MPP7: variants seen among roughly 807,000 people sequenced by gnomAD.
MPP7 encodes MAGUK p55 scaffold protein 7.
Under a neutral mutation model 76.5 loss-of-function variants are expected in MPP7, and 60 were observed. The observed-to-expected ratio is 0.78, with a 90% CI of 0.64 to 0.97. MPP7 has a LOEUF of 0.97. Among genes scored for constraint, MPP7 ranks in the 50% least tolerant of loss-of-function variants. The pLI is 0.00. For missense variants in MPP7, 641 were observed against 694.0 expected, an observed-to-expected ratio of 0.92 and a Z score of 0.86; for synonymous variants, 237 against 244.5, an observed-to-expected ratio of 0.97 and a Z score of 0.29.
intron 6 of MPP7, among the ~76,000 whole-genome samples, chr10:28,126,089 T>A (rs925819577): frequency 6.6e-6 from 1 of 152,156 alleles, no homozygotes; most frequent in Non-Finnish European, 1.5e-5. Context: ...AAAGTAAAAG[T>A]CCATCTGTAA....
intron 13 of MPP7, among the ~76,000 whole-genome samples, chr10:28,061,159 CA>C (rs368960417): frequency 2.1e-5 from 3 of 143,348 alleles, no homozygotes; most frequent in Admixed American, 1.4e-4. Context: ...GAACCAAAAA[CA>C]AAAAAAAACA....
intron 14 of MPP7, 82 bp from the exon 15 acceptor site, chr10:28,058,685 C>T (rs1235759681): frequency 3.1e-5 from 21 of 683,460 alleles, no homozygotes; most frequent in Middle Eastern, 4.2e-4. Flanking sequence ...AGGTAAAAGA[C>T]GTTTCTGCTG....
At chr10:28,166,723 A>T (rs2997204) in intron 3 of MPP7, among the ~76,000 whole-genome samples, 114,028 of 151,630 alleles carry the variant, frequency 0.75, 43,036 homozygotes, top group Middle Eastern at 0.84. Flanking sequence ...TTTAATTTTT[A>T]AAAAAAATCT....
intron 12 of MPP7, among the ~76,000 whole-genome samples, chr10:28,089,119 G>A (rs1227720035): frequency 6.6e-6 from 1 of 152,052 alleles, no homozygotes; most frequent in Non-Finnish European, 1.5e-5. Context: ...CACCATGATG[G>A]CCAGGCTGGT....
chr10:28,319,537 G>A (rs1834348268), intron 2 of MPP7, among the ~76,000 whole-genome samples: 1 of 151,876 alleles, frequency 6.6e-6, no homozygotes, highest in Admixed American at 6.6e-5. Context: ...AATTAGCCCA[G>A]CATGGTGGTC....
intron 12 of MPP7, among the ~76,000 whole-genome samples, chr10:28,087,002 C>A (rs7920402): frequency 0.082 from 12,545 of 152,152 alleles, 973 homozygotes; most frequent in African/African-American, 0.2. Flanking sequence ...GTTTGTCCCC[C>A]CAAATTGCGT....
chr10:28,307,816 C>T (rs567774214), upstream of MPP7, among the ~76,000 whole-genome samples: 1 of 152,304 alleles, frequency 6.6e-6, no homozygotes, highest in South Asian at 2.1e-4. Context: ...CTCTATCCCC[C>T]TAGAATCCCC....
intron 1 of MPP7, among the ~76,000 whole-genome samples, chr10:28,241,966 T>C (rs534535630): frequency 6.6e-6 from 1 of 152,270 alleles, no homozygotes; most frequent in Admixed American, 6.5e-5. Flanking sequence ...CTCTTAATGC[T>C]CCCGTGGCAC....
chr10:28,219,856 T>G (rs1399116208), intron 2 of MPP7, among the ~76,000 whole-genome samples: 1 of 152,112 alleles, frequency 6.6e-6, no homozygotes, highest in East Asian at 1.9e-4. Flanking sequence ...AAAGGTAAAA[T>G]AATCAGCACT....
intron 2 of MPP7, among the ~76,000 whole-genome samples, chr10:28,322,124 T>A (rs1387906981): frequency 6.6e-6 from 1 of 152,032 alleles, no homozygotes; most frequent in African/African-American, 2.4e-5. Context: ...TGACAAACGT[T>A]CCATTTATAT....
intron 1 of MPP7, among the ~76,000 whole-genome samples, chr10:28,241,862 G>A (rs1457079220): frequency 6.6e-6 from 1 of 152,038 alleles, no homozygotes; most frequent in Non-Finnish European, 1.5e-5. Context: ...ATATCACACT[G>A]TATCAGGTTC....
chr10:28,198,731 A>G (rs1346096076), intron 3 of MPP7, among the ~76,000 whole-genome samples: 1 of 152,204 alleles, frequency 6.6e-6, no homozygotes, highest in Non-Finnish European at 1.5e-5. Flanking sequence ...AGAGATCTCA[A>G]TAGGAAAAAA....
intron 14 of MPP7, chr10:28,059,372 G>C (rs10218925): frequency 0.27 from 77,774 of 285,584 alleles, 12,536 homozygotes; most frequent in East Asian, 0.66. Flanking sequence ...CAATTAGTGG[G>C]CTGGAAGGAG....
intron 3 of MPP7, among the ~76,000 whole-genome samples, chr10:28,168,257 T>C (rs1836556319): frequency 6.6e-6 from 1 of 152,076 alleles, no homozygotes. Context: ...ATTTTCTATA[T>C]CTACTGGCCC....
intron 2 of MPP7, chr10:28,236,725 G>A (rs1839088698): frequency 6.6e-6 from 1 of 152,084 alleles, no homozygotes; most frequent in Non-Finnish European, 1.5e-5. Context: ...ATGCATCTAG[G>A]CTGCTGTGAG....
intron 1 of MPP7, among the ~76,000 whole-genome samples, chr10:28,243,399 A>AT (rs35662382): frequency 0.013 from 1,941 of 145,888 alleles, 18 homozygotes; most frequent in African/African-American, 0.022. Flanking sequence ...AACAAATGTG[A>AT]TTTTTTTTTT....
chr10:28,109,872 A>AAAAAC (rs1834449046), intron 11 of MPP7, among the ~76,000 whole-genome samples: 11 of 147,942 alleles, frequency 7.4e-5, no homozygotes, highest in Admixed American at 6.2e-4. Flanking sequence ...AAAAAAAAAA[A>AAAAAC]ACACTTAAAA....
chr10:28,256,428 C>T (rs1839788686), intron 1 of MPP7, among the ~76,000 whole-genome samples: 1 of 151,448 alleles, frequency 6.6e-6, no homozygotes, highest in Non-Finnish European at 1.5e-5. Context: ...GATTCTACTT[C>T]TAAGAATTTC....
intron 11 of MPP7, among the ~76,000 whole-genome samples, chr10:28,093,035 G>A (rs886606618): frequency 1.3e-5 from 2 of 152,070 alleles, no homozygotes; most frequent in African/African-American, 2.4e-5. Flanking sequence ...CTCTGTCACG[G>A]ATGTGTGCTG....
Sources: gnomAD v4.1 joint callset for allele counts (sites outside exome capture counted in the v4.1 genomes callset) on GRCh38, gnomAD v4.1.1 for gene constraint, MANE v1.5 for transcripts, NCBI Gene and HGNC (gene_info 2026-07-23, HGNC 2026-07-21) for gene names.